The following KCNB2 variants were observed in gnomAD, a reference collection of about 807,000 sequenced individuals.
KCNB2 encodes potassium voltage-gated channel subfamily B member 2, also known as delayed rectifier potassium channel protein.
A neutral mutation model predicts 61.5 loss-of-function variants in KCNB2; 15 were observed. That is an observed-to-expected ratio of 0.24 (90% confidence interval 0.16 to 0.38). The LOEUF (loss-of-function observed/expected upper bound fraction) is 0.38, where lower values mean the gene tolerates loss of function less well. KCNB2 is among the 10% of genes least tolerant of loss of function. KCNB2 has a pLI of 1.00. For synonymous variants in KCNB2, 457 were observed against 446.0 expected, an observed-to-expected ratio of 1.02 and a Z score of -0.31; for missense variants, 828 against 1,125.2, an observed-to-expected ratio of 0.74 and a Z score of 3.78.
chr8:72,625,003 C>T (rs1805767496), intron 2 of KCNB2, among the ~76,000 whole-genome samples: 1 of 152,192 alleles, frequency 6.6e-6, no homozygotes, highest in South Asian at 2.1e-4. Flanking sequence ...GAACTGAATT[C>T]CACCAACAAA....
chr8:72,733,897 C>T (rs960610005), intron 2 of KCNB2, among the ~76,000 whole-genome samples: 2 of 152,140 alleles, frequency 1.3e-5, no homozygotes, highest in African/African-American at 2.4e-5. Context: ...TGAACTAAAT[C>T]TGTGCAAGTG....
chr8:72,937,989 T>C lies in KCNB2; in HGVS notation c.2634T>C (p.Ser878=). 6.2e-7 allele frequency: 1 copy of C among 1,614,032 alleles called. No homozygotes were observed. The highest frequency in any genetic ancestry group is 8.5e-7 in the Non-Finnish European group (1 of 1,179,980). ...CTGTGAGTGAAGTCAAAAAGGACAG[T>C]AGTCAAGAAGGGTGCAAGATGGAAA... ...YHAVSEVKKD[S]SQEGCKMENH... The change falls in exon 3 of 3, where the codon AGT becomes AGC. Residue 878 remains serine, a synonymous_variant. Transcript: ENST00000523207.
Position 72,659,061 on chromosome 8 carries a change from T to C in KCNB2, c.579+90748T>C, listed in dbSNP as rs149021745. ...TTCCAAGTTTTATTATATAAAAAAA[T>C]ACATTTTATATGGCTACAGCCCCCA... On this transcript the variant is annotated intron_variant, in intron 2 of 2. Transcript: ENST00000523207. Among the ~76,000 whole-genome samples the C allele has an allele frequency of 2.9e-3, 447 of 152,250 alleles. 3 individuals are homozygous for C. The highest frequency in any genetic ancestry group is 9.5e-3 in the African/African-American group (393 of 41,558).
At chr8:72,614,420 A>C (rs892268988) in intron 2 of KCNB2, among the ~76,000 whole-genome samples, 4 of 152,176 alleles carry the variant, frequency 2.6e-5, no homozygotes, top group African/African-American at 9.7e-5. Flanking sequence ...TAGCCCTGTA[A>C]AGGTAGACAA....
chr8:72,682,821 A>G (rs956042903), intron 2 of KCNB2, among the ~76,000 whole-genome samples: 5 of 152,082 alleles, frequency 3.3e-5, no homozygotes, highest in African/African-American at 1.2e-4. Context: ...TGCCCAGGCT[A>G]ATCTCAAACT....
At chr8:72,934,661 C>T (rs1286985116) in intron 2 of KCNB2, among the ~76,000 whole-genome samples, 2 of 152,110 alleles carry the variant, frequency 1.3e-5, no homozygotes, top group African/African-American at 4.8e-5. Flanking sequence ...ATATTTTTCT[C>T]AGTGCTACAT....
At chr8:72,807,688 T>A (rs1180729933) in intron 2 of KCNB2, among the ~76,000 whole-genome samples, 1 of 152,196 alleles carries the variant, frequency 6.6e-6, no homozygotes, top group Non-Finnish European at 1.5e-5. Context: ...AAACACCATC[T>A]AGATGACATC....
At chr8:72,733,904 A>G (rs1807794316) in intron 2 of KCNB2, among the ~76,000 whole-genome samples, 1 of 152,100 alleles carries the variant, frequency 6.6e-6, no homozygotes, top group South Asian at 2.1e-4. Context: ...AATCTGTGCA[A>G]GTGGCTATTT....
chr8:72,560,453 G>A (rs539151420), intron 1 of KCNB2, among the ~76,000 whole-genome samples: 1 of 152,228 alleles, frequency 6.6e-6, no homozygotes, highest in East Asian at 1.9e-4. Flanking sequence ...GGTATTACTG[G>A]GTGGCCTATT....
intron 2 of KCNB2, among the ~76,000 whole-genome samples, chr8:72,674,228 A>G (rs994483481): frequency 1.3e-5 from 2 of 152,200 alleles, no homozygotes; most frequent in African/African-American, 4.8e-5. Context: ...TGTTCTGTAA[A>G]TGGTGATGAT....
intron 2 of KCNB2, among the ~76,000 whole-genome samples, chr8:72,931,456 TG>T (rs1390154300): frequency 6.6e-6 from 1 of 152,162 alleles, no homozygotes; most frequent in East Asian, 1.9e-4. Context: ...CATTTGTTTG[TG>T]TCCTCTTTTA....
At chr8:72,572,669 G>A (rs931934844) in intron 2 of KCNB2, among the ~76,000 whole-genome samples, 1 of 152,022 alleles carries the variant, frequency 6.6e-6, no homozygotes, top group African/African-American at 2.4e-5. Context: ...CTTAAGAAAA[G>A]GGGGGAATGA....
chr8:72,819,756 T>C (rs952980997), intron 2 of KCNB2, among the ~76,000 whole-genome samples: 5 of 152,158 alleles, frequency 3.3e-5, no homozygotes, highest in African/African-American at 9.7e-5. Flanking sequence ...CTTATTGATA[T>C]ATGCTTCCAA....
intron 2 of KCNB2, among the ~76,000 whole-genome samples, chr8:72,786,563 G>C (rs562476783): frequency 6.6e-6 from 1 of 152,226 alleles, no homozygotes; most frequent in Non-Finnish European, 1.5e-5. Context: ...TTTACAACTA[G>C]GTAAATTCAG....
intron 2 of KCNB2, among the ~76,000 whole-genome samples, chr8:72,697,820 A>T (rs776619919): frequency 1.3e-5 from 2 of 152,130 alleles, no homozygotes; most frequent in Non-Finnish European, 2.9e-5. Flanking sequence ...TCTTTCAATA[A>T]ATTCCTCTAA....
intron 2 of KCNB2, chr8:72,660,566 A>C (rs183985782): frequency 6.6e-6 from 1 of 152,294 alleles, no homozygotes; most frequent in East Asian, 1.9e-4. Flanking sequence ...TTCCATGATA[A>C]ATTTTGTCTG....
At chr8:72,673,102 C>T (rs1806592643) in intron 2 of KCNB2, among the ~76,000 whole-genome samples, 1 of 152,176 alleles carries the variant, frequency 6.6e-6, no homozygotes, top group South Asian at 2.1e-4. Flanking sequence ...CACCAATATT[C>T]ATAACAATGT....
intron 2 of KCNB2, among the ~76,000 whole-genome samples, chr8:72,861,503 C>T (rs1474108239): frequency 6.6e-6 from 1 of 152,152 alleles, no homozygotes; most frequent in Non-Finnish European, 1.5e-5. Context: ...GCAGCACCTG[C>T]TGTAAAGTAC....
At chr8:72,648,174 C>G (rs1398406668) in intron 2 of KCNB2, among the ~76,000 whole-genome samples, 1 of 151,980 alleles carries the variant, frequency 6.6e-6, no homozygotes, top group African/African-American at 2.4e-5. Flanking sequence ...TACTCGGTAC[C>G]CTTGATGTTA....
Sources: gnomAD v4.1 joint callset for allele counts (sites outside exome capture counted in the v4.1 genomes callset) on GRCh38, gnomAD v4.1.1 for gene constraint, MANE v1.5 for transcripts, NCBI Gene and HGNC (gene_info 2026-07-23, HGNC 2026-07-21) for gene names.